Variants in TMEM178A observed in about 807,000 individuals in gnomAD.
TMEM178A encodes transmembrane protein 178.
In TMEM178A, 12 loss-of-function variants were observed where a neutral mutation model predicts 29.1. The observed-to-expected ratio is 0.41, with a 90% CI of 0.26 to 0.67. The LOEUF (loss-of-function observed/expected upper bound fraction) is 0.67. TMEM178A is among the 30% of genes least tolerant of loss of function. The pLI, the probability that TMEM178A is intolerant of heterozygous loss-of-function variation, is 0.29. For synonymous variants in TMEM178A, 210 were observed against 187.2 expected (o/e 1.12, Z -0.99); for missense variants, 366 against 419.1 (o/e 0.87, Z 1.11).
intron 1 of TMEM178A, among the ~76,000 whole-genome samples, chr2:39,697,568 A>C (rs1053385024): frequency 2.0e-5 from 3 of 152,104 alleles, no homozygotes; most frequent in Non-Finnish European, 4.4e-5. Context: ...CACTCTTTGG[A>C]GTCCTTGAGT....
At chr2:39,731,269 T>C in the TMEM178A span, among the ~76,000 whole-genome samples, 1 of 152,168 alleles carries the variant, frequency 6.6e-6, no homozygotes, top group Non-Finnish European at 1.5e-5. Flanking sequence ...TCCCCTCCTG[T>C]TTGTAGTTGT....
chr2:39,675,584 G>A (rs915445853), intron 1 of TMEM178A, among the ~76,000 whole-genome samples: 1 of 152,006 alleles, frequency 6.6e-6, no homozygotes, highest in Non-Finnish European at 1.5e-5. Flanking sequence ...CTTACTAATA[G>A]GCCCCAGATT....
intron 1 of TMEM178A, among the ~76,000 whole-genome samples, chr2:39,685,101 G>A (rs1471174278): frequency 6.6e-6 from 1 of 152,108 alleles, no homozygotes; most frequent in Non-Finnish European, 1.5e-5. Context: ...CCTTTTCCTA[G>A]TTTATAATCT....
At chr2:39,714,165 C>T (rs58462460) in intron 3 of TMEM178A, among the ~76,000 whole-genome samples, 3,525 of 152,100 alleles carry the variant, frequency 0.023, 121 homozygotes, top group African/African-American at 0.079. Context: ...AGAACAACTT[C>T]GAGAGCACTT....
At chr2:39,671,235 T>C (rs1473793623) in intron 1 of TMEM178A, among the ~76,000 whole-genome samples, 1 of 152,234 alleles carries the variant, frequency 6.6e-6, no homozygotes, top group Non-Finnish European at 1.5e-5. Flanking sequence ...TTCACTCTGC[T>C]CATGATTTAT....
intron 1 of TMEM178A, among the ~76,000 whole-genome samples, chr2:39,690,852 A>G (rs997947013): frequency 6.6e-5 from 10 of 152,340 alleles, no homozygotes; most frequent in African/African-American, 1.2e-4. Flanking sequence ...CAGGAATACG[A>G]TACTGAACAA....
At chr2:39,676,637 C>T (rs1670637681) in intron 1 of TMEM178A, among the ~76,000 whole-genome samples, 2 of 152,146 alleles carry the variant, frequency 1.3e-5, no homozygotes, top group South Asian at 2.1e-4. Context: ...GGAGAAAGGG[C>T]CCAGGCTCCC....
At chr2:39,708,464 GC>G (rs1672143733) in intron 3 of TMEM178A, among the ~76,000 whole-genome samples, 2 of 136,146 alleles carry the variant, frequency 1.5e-5, no homozygotes, top group Non-Finnish European at 3.1e-5. Context: ...TGTCGCCCAG[GC>G]TGGAGTGCAG....
chr2:39,692,923 G>A (rs1671384117), intron 1 of TMEM178A, among the ~76,000 whole-genome samples: 1 of 152,110 alleles, frequency 6.6e-6, no homozygotes, highest in African/African-American at 2.4e-5. Context: ...CCAAATTTCT[G>A]TTAACATTTG....
chr2:39,686,082 A>G (rs937896821), intron 1 of TMEM178A, among the ~76,000 whole-genome samples: 1 of 152,206 alleles, frequency 6.6e-6, no homozygotes, highest in Non-Finnish European at 1.5e-5. Flanking sequence ...CCCTACACAC[A>G]TGGGGGCAGC....
chr2:39,701,315 C>T (rs1038385658), intron 1 of TMEM178A, among the ~76,000 whole-genome samples: 1 of 152,076 alleles, frequency 6.6e-6, no homozygotes, highest in Non-Finnish European at 1.5e-5. Context: ...AACTTTGATG[C>T]ATATAGGATT....
intron 1 of TMEM178A, among the ~76,000 whole-genome samples, chr2:39,697,482 G>A (rs1425297851): frequency 6.6e-6 from 1 of 152,158 alleles, no homozygotes; most frequent in Non-Finnish European, 1.5e-5. Context: ...CATCTTCCAA[G>A]GGAGTGGAAC....
chr2:39,666,251 C>G lies in TMEM178A; in HGVS notation c.277C>G (p.Leu93Val). 7.2e-7 allele frequency: 1 copy of G among 1,380,512 alleles called. No homozygotes were observed. Among genetic ancestry groups the G allele is most frequent in the Admixed American group, 3.0e-5 (1 of 33,548 alleles). 85.5% of individuals were successfully genotyped at this position (1,380,512 alleles called of 1,614,324 possible). Reference protein sequence around the residue: ...GRADPESWRSLLGLGGLDAEC... With the variant: ...GRADPESWRSVLGLGGLDAEC... The stretch of plus-strand genomic sequence containing the variant: ...CGCCGACCCCGAGTCCTGGCGCTCG[C>G]TCCTGGGGCTCGGCGGGCTGGACGC... The change falls in exon 1 of 4, where the codon CTC (leucine) becomes GTC (valine). Residue 93 changes from leucine (L) to valine (V), a missense_variant. Coordinates refer to ENST00000281961, the MANE Select transcript of TMEM178A (RefSeq NM_152390.3).
chr2:39,670,047 C>A (rs1374395798), intron 1 of TMEM178A, among the ~76,000 whole-genome samples: 1 of 152,160 alleles, frequency 6.6e-6, no homozygotes, highest in African/African-American at 2.4e-5. Context: ...GGAAGCTTTG[C>A]TGATCCAAGT....
At chr2:39,679,385 G>A (rs920735938) in intron 1 of TMEM178A, among the ~76,000 whole-genome samples, 1 of 125,394 alleles carries the variant, frequency 8.0e-6, no homozygotes, top group African/African-American at 2.9e-5. Flanking sequence ...AGAAGATAAG[G>A]TACTTGGTGT....
intron 1 of TMEM178A, among the ~76,000 whole-genome samples, chr2:39,697,449 T>C (rs961046438): frequency 5.3e-5 from 8 of 152,196 alleles, no homozygotes; most frequent in Non-Finnish European, 1.0e-4. Context: ...CTTTCTCTTC[T>C]AATTCTGCCT....
the TMEM178A span, among the ~76,000 whole-genome samples, chr2:39,724,333 T>C: frequency 6.6e-6 from 1 of 152,062 alleles, no homozygotes; most frequent in Non-Finnish European, 1.5e-5. Context: ...GGATAGCAAC[T>C]CAAAGACTCA....
At chr2:39,733,191 C>G in the TMEM178A span, among the ~76,000 whole-genome samples, 1 of 152,200 alleles carries the variant, frequency 6.6e-6, no homozygotes, top group African/African-American at 2.4e-5. Context: ...CCACCACATC[C>G]GCCCACCTTC....
chr2:39,730,075 C>A, the TMEM178A span, among the ~76,000 whole-genome samples: 45 of 152,160 alleles, frequency 3.0e-4, 1 homozygote, highest in African/African-American at 1.0e-3. Context: ...TTACTAGGAA[C>A]AAACACTCCA....
Sources: allele counts gnomAD v4.1 joint callset (sites outside exome capture counted in the v4.1 genomes callset), GRCh38; gene constraint gnomAD v4.1.1; transcripts MANE v1.5; gene names NCBI Gene and HGNC (gene_info 2026-07-23, HGNC 2026-07-21).